EPM2A: variants seen among roughly 807,000 people sequenced by gnomAD.
EPM2A encodes EPM2A glucan phosphatase, laforin.
Under a neutral mutation model 26.5 loss-of-function variants are expected in EPM2A, and 21 were observed. That is an observed-to-expected ratio of 0.79 (90% CI 0.56 to 1.14). The LOEUF (loss-of-function observed/expected upper bound fraction) is 1.14. EPM2A is among the 50% of genes most tolerant of loss of function. The pLI is 0.00. For missense variants in EPM2A, 458 were observed against 440.8 expected (o/e 1.04, Z -0.35); for synonymous variants, 217 against 177.6 (o/e 1.22, Z -1.76).
intron 2 of EPM2A, among the ~76,000 whole-genome samples, chr6:145,682,038 C>T (rs1310990809): frequency 2.0e-5 from 3 of 152,044 alleles, no homozygotes; most frequent in African/African-American, 2.4e-5. Flanking sequence ...TGCATTAGTC[C>T]GTTTTCACTC....
chr6:145,542,193 GA>G, intron 2 of EPM2A, among the ~76,000 whole-genome samples: 1 of 152,324 alleles, frequency 6.6e-6, no homozygotes, highest in East Asian at 1.9e-4. Context: ...TTAAAGATCA[GA>G]AGGCCATCTT....
chr6:145,514,397 A>G (rs1375420683), intron 2 of EPM2A, among the ~76,000 whole-genome samples: 1 of 152,174 alleles, frequency 6.6e-6, no homozygotes, highest in Non-Finnish European at 1.5e-5. Flanking sequence ...GCATTGGGAA[A>G]AATATGGGGA....
Position 145,511,554 on chromosome 6 carries a change from C to G in EPM2A, c.341-8979G>C, listed in dbSNP as rs148365216. ...ACAGCATTTGATAAAATCCAACATCCTTTCATGATAAAAACCCTTAACAAA... is the reference window on the plus strand; with the variant it reads ...ACAGCATTTGATAAAATCCAACATCGTTTCATGATAAAAACCCTTAACAAA... On this transcript the variant is annotated intron_variant, in intron 2 of 3. Coordinates refer to the EPM2A transcript ENST00000450221. 2.6e-5 allele frequency among the ~76,000 whole-genome samples: 4 copies of G among 152,236 alleles called. No individual in the cohort carries two copies. In the East Asian group the frequency reaches 7.7e-4, roughly 29 times the overall value.
intron 2 of EPM2A, among the ~76,000 whole-genome samples, chr6:145,575,115 C>T (rs987885342): frequency 9.2e-5 from 14 of 152,170 alleles, no homozygotes; most frequent in Admixed American, 3.3e-4. Flanking sequence ...TCAGGGGAGG[C>T]CACCACTGTG....
chr6:145,632,525 T>C (rs763981978), intron 3 of EPM2A, among the ~76,000 whole-genome samples: 13 of 151,530 alleles, frequency 8.6e-5, no homozygotes, highest in Non-Finnish European at 1.5e-4. Flanking sequence ...CCAAAATGTT[T>C]ATAAAAGATT....
At chr6:145,398,808 T>A (rs1778442323) in intron 4 of EPM2A, among the ~76,000 whole-genome samples, 3 of 148,332 alleles carry the variant, frequency 2.0e-5, no homozygotes, top group Non-Finnish European at 4.4e-5. Flanking sequence ...TGCAGTGAGC[T>A]GAGATTGTGC....
chr6:145,626,089 T>C lies in EPM2A; in HGVS notation c.*1327A>G. On this transcript the variant is annotated 3_prime_UTR_variant, in exon 4 of 4. Transcript: ENST00000367519. ...ATTGTGAAGATTAAACTGGATATGA[T>C]TATATATCACCTTGCACATAGAGGC... 9.1e-7 allele frequency: 1 copy of C among 1,104,620 alleles called. No individual in the cohort carries two copies. The highest frequency in any genetic ancestry group is 4.4e-5 in the Admixed American group (1 of 22,548). 68.4% of individuals were successfully genotyped at this position (1,104,620 alleles called of 1,614,324 possible). A position where few individuals can be genotyped will look rare whatever the true frequency, so the allele number is the denominator to read the frequency against.
chr6:145,665,863 C>T lies in EPM2A; in HGVS notation c.476+20259G>A, dbSNP rs1245739818. Among the ~76,000 whole-genome samples the T allele has an allele frequency of 1.6e-3, 236 of 148,088 alleles. 2 individuals carry two copies. The highest frequency in any genetic ancestry group is 4.9e-3 in the African/African-American group (194 of 39,936). On this transcript the variant is annotated intron_variant, in intron 2 of 3. Coordinates refer to ENST00000367519, the MANE Select transcript of EPM2A (RefSeq NM_005670.4). ...TGGGATGCAAGGCTGGTTCAATATA[C>T]GCAAATCAATAAATGTAATCCAGCA...
At chr6:145,668,333 G>A (rs1779386748) in intron 2 of EPM2A, among the ~76,000 whole-genome samples, 1 of 151,992 alleles carries the variant, frequency 6.6e-6, no homozygotes, top group South Asian at 2.1e-4. Context: ...ACAATGAGGT[G>A]AGTTAAACTA....
At chr6:145,533,297 T>G (rs1030012768) in intron 2 of EPM2A, among the ~76,000 whole-genome samples, 1 of 152,152 alleles carries the variant, frequency 6.6e-6, no homozygotes, top group Non-Finnish European at 1.5e-5. Context: ...CCCAAGCTAT[T>G]GCCATCTTTC....
intron 2 of EPM2A, among the ~76,000 whole-genome samples, chr6:145,527,263 C>T (rs151331593): frequency 1.6e-3 from 243 of 152,020 alleles, no homozygotes; most frequent in African/African-American, 5.2e-3. Context: ...GTATATTCTG[C>T]GGTTGATGGG....
At chr6:145,444,667 C>T (rs1779108547) in intron 4 of EPM2A, among the ~76,000 whole-genome samples, 1 of 152,132 alleles carries the variant, frequency 6.6e-6, no homozygotes, top group Admixed American at 6.5e-5. Flanking sequence ...CCAAAAAGTC[C>T]AATGTCTGAG....
chr6:145,539,515 G>T (rs1303190623), intron 2 of EPM2A, among the ~76,000 whole-genome samples: 1 of 152,212 alleles, frequency 6.6e-6, no homozygotes, highest in South Asian at 2.1e-4. Flanking sequence ...TTGCACTGGA[G>T]AGGGAGAACA....
intron 1 of EPM2A, among the ~76,000 whole-genome samples, chr6:145,729,080 G>A (rs1776352153): frequency 6.6e-6 from 1 of 152,208 alleles, no homozygotes; most frequent in Admixed American, 6.5e-5. Context: ...TGTTAAGCCA[G>A]CTAGTGCACA....
intron 2 of EPM2A, among the ~76,000 whole-genome samples, chr6:145,605,178 A>G (rs952022070): frequency 1.3e-5 from 2 of 152,140 alleles, no homozygotes; most frequent in East Asian, 3.8e-4. Context: ...GCCAACTTGT[A>G]TTTTATTTTC....
intron 3 of EPM2A, chr6:145,627,954 C>A (rs1403683493): frequency 3.8e-6 from 2 of 520,432 alleles, no homozygotes; most frequent in Non-Finnish European, 3.4e-6. Flanking sequence ...GGTGACTTCG[C>A]CATCCATGCA....
At chr6:145,600,535 AC>A (rs1470011273) in intron 2 of EPM2A, among the ~76,000 whole-genome samples, 1 of 152,200 alleles carries the variant, frequency 6.6e-6, no homozygotes, top group Non-Finnish European at 1.5e-5. Flanking sequence ...TTTGTAGGTT[AC>A]TGGCAATGGT....
intron 4 of EPM2A, among the ~76,000 whole-genome samples, chr6:145,479,284 A>G (rs1180331885): frequency 6.8e-6 from 1 of 147,278 alleles, no homozygotes; most frequent in Non-Finnish European, 1.5e-5. Context: ...ATATATATAT[A>G]TGATTTAACT....
At chr6:145,683,842 T>C (rs1235755740) in intron 2 of EPM2A, among the ~76,000 whole-genome samples, 4 of 152,086 alleles carry the variant, frequency 2.6e-5, no homozygotes, top group Non-Finnish European at 4.4e-5. Flanking sequence ...AGGCCAGTAA[T>C]AGCAGAGGAA....
Sources: allele counts gnomAD v4.1 joint callset (sites outside exome capture counted in the v4.1 genomes callset), GRCh38; gene constraint gnomAD v4.1.1; transcripts MANE v1.5; gene names NCBI Gene and HGNC (gene_info 2026-07-23, HGNC 2026-07-21).